The following FRMD4A variants were observed in gnomAD, a reference collection of about 807,000 sequenced individuals.
The protein encoded by FRMD4A is FERM domain-containing protein 4A.
A neutral mutation model predicts 129.1 loss-of-function variants in FRMD4A; 29 were observed. That is an observed-to-expected ratio of 0.22 (90% CI 0.17 to 0.31). The LOEUF is 0.31. FRMD4A is among the 10% of genes least tolerant of loss of function. The pLI is 1.00. For synonymous variants in FRMD4A, 634 were observed against 571.6 expected (o/e 1.11, Z -1.56); for missense variants, 1,272 against 1,375.8 (o/e 0.92, Z 1.19).
intron 2 of FRMD4A, among the ~76,000 whole-genome samples, chr10:14,232,494 G>T (rs759401104): frequency 3.3e-5 from 5 of 152,162 alleles, no homozygotes; most frequent in Admixed American, 6.5e-5. Flanking sequence ...GATAAAAATA[G>T]CTGCTGAATC....
chr10:13,700,147 T>C (rs1589438430), intron 14 of FRMD4A, among the ~76,000 whole-genome samples: 1 of 151,818 alleles, frequency 6.6e-6, no homozygotes, highest in South Asian at 2.1e-4. Flanking sequence ...GGGGTCTCAC[T>C]ATGTTGCCCA....
At chr10:14,057,572 TC>T (rs1219874215) in intron 2 of FRMD4A, among the ~76,000 whole-genome samples, 4 of 28,078 alleles carry the variant, frequency 1.4e-4, no homozygotes, top group African/African-American at 3.1e-4. Context: ...GAATTTATAA[TC>T]TTTTTTTTTT....
chr10:14,323,703 G>A (rs1468083335), intron 2 of FRMD4A, among the ~76,000 whole-genome samples: 1 of 152,142 alleles, frequency 6.6e-6, no homozygotes, highest in Non-Finnish European at 1.5e-5. Context: ...TTATCAGCCA[G>A]TTGATTACTT....
At position 14,244,127 on chromosome 10, in the gene FRMD4A, G is replaced by A. The variant is rs368725102; in HGVS notation, c.45+85931C>T. Among the ~76,000 whole-genome samples the A allele has an allele frequency of 2.0e-5, 3 of 152,324 alleles. No homozygotes were observed. The South Asian group carries it at 6.2e-4, about 32-fold the overall frequency. ...AGCCCCCTTAATTAGTATGAATTAA[G>A]TCTTGCTTGAAAGAAAGCAAATGGA... is the stretch of plus-strand genomic sequence containing the variant. On this transcript the variant is annotated intron_variant, in intron 2 of 24. Transcript: ENST00000357447.
intron 2 of FRMD4A, chr10:13,972,031 C>T: frequency 1.7e-6 from 2 of 1,167,518 alleles, no homozygotes; most frequent in Non-Finnish European, 2.2e-6. Context: ...GCTCTTAACT[C>T]CCTCCCAAAG....
intron 15 of FRMD4A, among the ~76,000 whole-genome samples, chr10:13,690,404 G>C (rs890260727): frequency 6.6e-6 from 1 of 152,218 alleles, no homozygotes; most frequent in Non-Finnish European, 1.5e-5. Context: ...ACAGGCAGCC[G>C]TCAGCCATCC....
At chr10:14,221,700 C>G (rs1164303260) in intron 2 of FRMD4A, among the ~76,000 whole-genome samples, 2 of 145,336 alleles carry the variant, frequency 1.4e-5, no homozygotes, top group Non-Finnish European at 3.0e-5. Flanking sequence ...GCTGGAACTA[C>G]AGGTACACAG....
chr10:14,140,106 G>T (rs1839758183), intron 2 of FRMD4A, among the ~76,000 whole-genome samples: 1 of 152,090 alleles, frequency 6.6e-6, no homozygotes, highest in African/African-American at 2.4e-5. Context: ...CTGTTACCCA[G>T]GCTGGAGTGC....
intron 22 of FRMD4A, chr10:13,655,786 C>G (rs1291633001): frequency 6.6e-6 from 1 of 152,138 alleles, no homozygotes; most frequent in Non-Finnish European, 1.5e-5. Context: ...TCATTTTATT[C>G]TTATGATGTT....
At chr10:13,832,189 C>G (rs1354530864) in intron 3 of FRMD4A, among the ~76,000 whole-genome samples, 1 of 152,100 alleles carries the variant, frequency 6.6e-6, no homozygotes, top group East Asian at 1.9e-4. Flanking sequence ...GCTTTTCCTG[C>G]CTGCTTTCGG....
intron 2 of FRMD4A, among the ~76,000 whole-genome samples, chr10:13,878,394 C>G (rs1047252821): frequency 6.6e-6 from 1 of 152,214 alleles, no homozygotes; most frequent in East Asian, 1.9e-4. Context: ...AAGCAGCTCA[C>G]CATGTCACAC....
intron 2 of FRMD4A, among the ~76,000 whole-genome samples, chr10:14,264,824 C>T (rs1194914510): frequency 6.6e-6 from 1 of 152,054 alleles, no homozygotes; most frequent in African/African-American, 2.4e-5. Context: ...CTCTGTTGCC[C>T]AGGCTGGAGT....
intron 2 of FRMD4A, among the ~76,000 whole-genome samples, chr10:13,904,718 GGTAGAAAGCAGC>G: frequency 6.6e-6 from 1 of 152,232 alleles, no homozygotes; most frequent in East Asian, 1.9e-4. Context: ...AGTCAGTGAT[GGTAGAAAGCAGC>G]GTTTGTAATC....
intron 11 of FRMD4A, among the ~76,000 whole-genome samples, chr10:13,738,302 C>T (rs2090769219): frequency 6.6e-6 from 1 of 152,188 alleles, no homozygotes; most frequent in Non-Finnish European, 1.5e-5. Context: ...AACTGAAAAT[C>T]TGTGAGATGT....
At chr10:13,884,974 G>C (rs955085011) in intron 2 of FRMD4A, among the ~76,000 whole-genome samples, 2 of 152,192 alleles carry the variant, frequency 1.3e-5, no homozygotes, top group African/African-American at 4.8e-5. Context: ...CAGCCAGCTG[G>C]CTTCTTCTAC....
chr10:13,698,363 A>T (rs899475946), intron 14 of FRMD4A, among the ~76,000 whole-genome samples: 3 of 152,200 alleles, frequency 2.0e-5, no homozygotes, highest in African/African-American at 7.2e-5. Flanking sequence ...CCAGGATACC[A>T]GCCAGAACTG....
At chr10:14,077,693 T>A (rs945985113) in intron 2 of FRMD4A, among the ~76,000 whole-genome samples, 4 of 152,200 alleles carry the variant, frequency 2.6e-5, no homozygotes, top group South Asian at 2.1e-4. Flanking sequence ...TGGAGCAATC[T>A]CCCCTTAAGT....
intron 12 of FRMD4A, among the ~76,000 whole-genome samples, chr10:13,714,253 G>T (rs2088542945): frequency 6.7e-6 from 1 of 150,278 alleles, no homozygotes; most frequent in Non-Finnish European, 1.5e-5. Flanking sequence ...AGTAGAGACG[G>T]GGTTTCATCA....
chr10:14,073,747 G>C (rs1159540288), intron 2 of FRMD4A, among the ~76,000 whole-genome samples: 1 of 152,168 alleles, frequency 6.6e-6, no homozygotes, highest in Non-Finnish European at 1.5e-5. Flanking sequence ...CACTGGTCAA[G>C]ATGAAATCCC....
Sources: allele counts gnomAD v4.1 joint callset (sites outside exome capture counted in the v4.1 genomes callset), GRCh38; gene constraint gnomAD v4.1.1; transcripts MANE v1.5; gene names NCBI Gene and HGNC (gene_info 2026-07-23, HGNC 2026-07-21).